Variants in EPM2A observed in about 807,000 individuals in gnomAD.
The protein encoded by EPM2A is EPM2A glucan phosphatase, laforin.
A neutral mutation model predicts 26.5 loss-of-function variants in EPM2A; 21 were observed. The observed-to-expected ratio is 0.79, with a 90% CI of 0.56 to 1.14. The LOEUF (loss-of-function observed/expected upper bound fraction) is 1.14, where lower values mean the gene tolerates loss of function less well. Among genes scored for constraint, EPM2A ranks in the 50% most tolerant of loss-of-function variants. The probability of loss-of-function intolerance (pLI) is 0.00; values close to 1 mark genes in which losing one functional copy is unlikely to be tolerated. For missense variants in EPM2A, 458 were observed against 440.8 expected (o/e 1.04, Z -0.35); for synonymous variants, 217 against 177.6 (o/e 1.22, Z -1.76).
chr6:145,504,448 A>G (rs910430565), intron 2 of EPM2A, among the ~76,000 whole-genome samples: 1 of 134,332 alleles, frequency 7.4e-6, no homozygotes, highest in Non-Finnish European at 1.6e-5. Context: ...ATGAACAGAC[A>G]CTTCTCAAAA....
chr6:145,567,356 T>G (rs893285169), intron 2 of EPM2A, among the ~76,000 whole-genome samples: 1 of 152,238 alleles, frequency 6.6e-6, no homozygotes. Flanking sequence ...CACTAGCTAC[T>G]GCCACACACA....
intron 1 of EPM2A, among the ~76,000 whole-genome samples, chr6:145,715,620 T>C (rs1283208662): frequency 6.6e-6 from 1 of 152,126 alleles, no homozygotes; most frequent in Non-Finnish European, 1.5e-5. Context: ...TTCATCTGTA[T>C]TTACAGCTGC....
At chr6:145,601,766 C>G (rs1466230684) in intron 2 of EPM2A, among the ~76,000 whole-genome samples, 4 of 152,132 alleles carry the variant, frequency 2.6e-5, no homozygotes, top group Non-Finnish European at 5.9e-5. Context: ...AGCTTCCGTG[C>G]AAGTAGAAAC....
intron 2 of EPM2A, among the ~76,000 whole-genome samples, chr6:145,583,145 C>A (rs1781138195): frequency 6.6e-6 from 1 of 152,168 alleles, no homozygotes; most frequent in African/African-American, 2.4e-5. Flanking sequence ...CTTCTGAATT[C>A]TATGTCCATC....
intron 2 of EPM2A, among the ~76,000 whole-genome samples, chr6:145,603,953 A>T (rs1231581484): frequency 2.0e-5 from 3 of 152,198 alleles, no homozygotes; most frequent in African/African-American, 7.2e-5. Flanking sequence ...TACGATTCTA[A>T]ATACAAAATA....
intron 2 of EPM2A, among the ~76,000 whole-genome samples, chr6:145,596,613 T>A (rs144506879): frequency 1.2e-3 from 187 of 152,272 alleles, no homozygotes; most frequent in African/African-American, 4.0e-3. Context: ...TTCATTTACT[T>A]TATTTTCCTT....
chr6:145,531,555 G>T (rs1417330804), intron 2 of EPM2A, among the ~76,000 whole-genome samples: 1 of 152,160 alleles, frequency 6.6e-6, no homozygotes, highest in Non-Finnish European at 1.5e-5. Flanking sequence ...GTATGGTGCG[G>T]TTCAAATGAA....
intron 2 of EPM2A, among the ~76,000 whole-genome samples, chr6:145,561,134 C>A (rs531564637): frequency 3.7e-4 from 56 of 149,592 alleles, no homozygotes; most frequent in Non-Finnish European, 3.0e-5. Flanking sequence ...CAGCTATAAC[C>A]ATTTTTTATC....
intron 2 of EPM2A, among the ~76,000 whole-genome samples, chr6:145,520,576 C>A (rs548221353): frequency 6.2e-4 from 95 of 152,270 alleles, no homozygotes; most frequent in African/African-American, 2.2e-3. Context: ...ATTTTGTACA[C>A]GTGCATTTTT....
intron 4 of EPM2A, among the ~76,000 whole-genome samples, chr6:145,411,185 A>C (rs2114675125): frequency 6.6e-6 from 1 of 152,342 alleles, no homozygotes; most frequent in East Asian, 1.9e-4. Context: ...CAGAGGTCAA[A>C]AGGACTACTT....
At chr6:145,615,359 T>C (rs1259540659) in intron 2 of EPM2A, among the ~76,000 whole-genome samples, 1 of 152,178 alleles carries the variant, frequency 6.6e-6, no homozygotes, top group Non-Finnish European at 1.5e-5. Context: ...TCTGCCATGA[T>C]TGTGAGGCCC....
intron 2 of EPM2A, among the ~76,000 whole-genome samples, chr6:145,653,488 T>G (rs541911586): frequency 6.6e-6 from 1 of 152,356 alleles, no homozygotes; most frequent in South Asian, 2.1e-4. Context: ...AAGTTCTTTA[T>G]AGCAGTGTGA....
chr6:145,695,363 A>G (rs143373543), intron 1 of EPM2A, among the ~76,000 whole-genome samples: 1 of 152,208 alleles, frequency 6.6e-6, no homozygotes, highest in Non-Finnish European at 1.5e-5. Context: ...CCACAAAGAA[A>G]GACAACAAGA....
intron 4 of EPM2A, among the ~76,000 whole-genome samples, chr6:145,459,257 G>A (rs1448463285): frequency 2.0e-5 from 3 of 152,170 alleles, no homozygotes; most frequent in South Asian, 2.1e-4. Flanking sequence ...TTAAAGGCAA[G>A]CCAAGGCTGA....
chr6:145,551,791 A>G (rs1780658866), intron 2 of EPM2A, among the ~76,000 whole-genome samples: 1 of 152,026 alleles, frequency 6.6e-6, no homozygotes, highest in South Asian at 2.1e-4. Context: ...TCACACGAAT[A>G]AGCCACCATG....
intron 4 of EPM2A, among the ~76,000 whole-genome samples, chr6:145,402,131 G>A (rs1416127021): frequency 6.6e-6 from 1 of 152,076 alleles, no homozygotes; most frequent in Non-Finnish European, 1.5e-5. Context: ...AAAGAGCTAG[G>A]TAGTAACTTG....
chr6:145,590,002 AACCACC>A (rs1310762744), intron 2 of EPM2A, among the ~76,000 whole-genome samples: 2 of 152,220 alleles, frequency 1.3e-5, no homozygotes, highest in Admixed American at 1.3e-4. Flanking sequence ...TCATAGGGTA[AACCACC>A]ACACAAATTC....
intron 3 of EPM2A, chr6:145,628,813 T>C (rs1776026232): frequency 6.6e-6 from 1 of 152,286 alleles, no homozygotes; most frequent in Non-Finnish European, 1.5e-5. Context: ...CCCAGAATTC[T>C]CCCATGACAG....
chr6:145,450,892 CT>C (rs199684505), intron 4 of EPM2A, among the ~76,000 whole-genome samples: 251 of 149,538 alleles, frequency 1.7e-3, no homozygotes, highest in Middle Eastern at 7.0e-3. Flanking sequence ...TATACTTTGT[CT>C]TTTTTTTTTC....
Sources: gnomAD v4.1 joint callset for allele counts (sites outside exome capture counted in the v4.1 genomes callset) on GRCh38, gnomAD v4.1.1 for gene constraint, MANE v1.5 for transcripts, NCBI Gene and HGNC (gene_info 2026-07-23, HGNC 2026-07-21) for gene names.